The following CACNA2D1 variants were observed in gnomAD, a reference collection of about 807,000 sequenced individuals.
The protein encoded by CACNA2D1 is calcium voltage-gated channel auxiliary subunit alpha2delta 1.
Under a neutral mutation model 171.5 loss-of-function variants are expected in CACNA2D1, and 53 were observed. The observed-to-expected ratio is 0.31, with a 90% CI of 0.25 to 0.39. CACNA2D1 has a LOEUF of 0.39. Among genes scored for constraint, CACNA2D1 ranks in the 10% least tolerant of loss-of-function variants. CACNA2D1 has a pLI of 1.00. For missense variants in CACNA2D1, 903 were observed against 1,299.8 expected, an observed-to-expected ratio of 0.69 and a Z score of 4.69; for synonymous variants, 442 against 443.1, an observed-to-expected ratio of 1.00 and a Z score of 0.03.
chr7:82,361,243 C>T (rs1280092672), intron 1 of CACNA2D1, among the ~76,000 whole-genome samples: 12 of 152,166 alleles, frequency 7.9e-5, no homozygotes. Context: ...CTTTCCTAAC[C>T]TGCTCAATAT....
intron 2 of CACNA2D1, among the ~76,000 whole-genome samples, chr7:82,348,130 C>G (rs1819448839): frequency 6.6e-6 from 1 of 152,120 alleles, no homozygotes; most frequent in African/African-American, 2.4e-5. Flanking sequence ...CTCACCAGAA[C>G]CTGTACTTTC....
At chr7:82,078,015 GA>G (rs200733824) in intron 7 of CACNA2D1, among the ~76,000 whole-genome samples, 5 of 151,030 alleles carry the variant, frequency 3.3e-5, no homozygotes, top group South Asian at 2.1e-4. Flanking sequence ...TACCTGTATG[GA>G]AAAAAAAAGT....
At chr7:82,101,825 T>G (rs1812710459) in intron 6 of CACNA2D1, among the ~76,000 whole-genome samples, 2 of 152,178 alleles carry the variant, frequency 1.3e-5, no homozygotes, top group African/African-American at 4.8e-5. Context: ...TAACCTATGA[T>G]TATATAGTAC....
chr7:82,145,439 C>A, intron 4 of CACNA2D1, among the ~76,000 whole-genome samples: 1 of 135,326 alleles, frequency 7.4e-6, no homozygotes, highest in African/African-American at 2.7e-5. Context: ...ATATAAATTA[C>A]ATGTATAATT....
intron 1 of CACNA2D1, among the ~76,000 whole-genome samples, chr7:82,398,753 T>A (rs1174874251): frequency 7.9e-5 from 12 of 151,818 alleles, no homozygotes; most frequent in Non-Finnish European, 1.5e-5. Context: ...TTTTTTAAAA[T>A]TTTTTGTAGA....
In CACNA2D1 at chr7:82,017,230, TAA is replaced by T. The variant is rs568112999; in HGVS notation, c.1144-2753_1144-2752del. Among the ~76,000 whole-genome samples, 13 of 152,212 alleles carry T rather than the reference TAA, an allele frequency of 8.5e-5. No individual in the cohort carries two copies. In the South Asian group the frequency reaches 1.2e-3, roughly 15 times the overall value. ...TATTCAGTTGAGAAGAAGTTTAATA[TAA>T]GTCATTCAAAACTTAGGATCTATTG... On this transcript the variant is annotated intron_variant, in intron 12 of 38. Coordinates refer to ENST00000356860, the MANE Select transcript of CACNA2D1 (RefSeq NM_000722.4).
intron 3 of CACNA2D1, among the ~76,000 whole-genome samples, chr7:82,238,253 T>C (rs1486352192): frequency 6.6e-6 from 1 of 152,060 alleles, no homozygotes; most frequent in African/African-American, 2.4e-5. Flanking sequence ...AGGGGATTTA[T>C]GCTAACCTTT....
At chr7:81,974,879 A>C (rs1444974847) in intron 24 of CACNA2D1, among the ~76,000 whole-genome samples, 1 of 152,020 alleles carries the variant, frequency 6.6e-6, no homozygotes, top group Non-Finnish European at 1.5e-5. Flanking sequence ...ATCGGGGGCA[A>C]GGGGAGGGAC....
At chr7:81,979,728 G>A (rs868260793) in intron 24 of CACNA2D1, among the ~76,000 whole-genome samples, 8 of 152,084 alleles carry the variant, frequency 5.3e-5, no homozygotes, top group African/African-American at 1.9e-4. Context: ...GTTGTTCTCA[G>A]TAATTCAAAG....
intron 5 of CACNA2D1, among the ~76,000 whole-genome samples, chr7:82,133,638 G>A (rs1271300789): frequency 6.6e-6 from 1 of 152,164 alleles, no homozygotes; most frequent in Admixed American, 6.5e-5. Flanking sequence ...TGATATTTAT[G>A]TGAATACTCA....
chr7:82,113,685 A>C (rs1788702784), intron 6 of CACNA2D1, among the ~76,000 whole-genome samples: 1 of 152,196 alleles, frequency 6.6e-6, no homozygotes, highest in South Asian at 2.1e-4. Context: ...GTGCATTTTC[A>C]TATTCATTAA....
intron 4 of CACNA2D1, among the ~76,000 whole-genome samples, chr7:82,147,057 CACAT>C (rs1435633192): frequency 7.6e-6 from 1 of 132,196 alleles, no homozygotes; most frequent in Non-Finnish European, 1.6e-5. Flanking sequence ...AGTACACACA[CACAT>C]ACCTGCACAC....
chr7:82,332,554 G>GAAAGAAAGAAAGA (rs2062015389), intron 3 of CACNA2D1, among the ~76,000 whole-genome samples: 2 of 143,092 alleles, frequency 1.4e-5, no homozygotes, highest in African/African-American at 5.1e-5. Flanking sequence ...AAGAAAGAAA[G>GAAAGAAAGAAAGA]AAAGAAAGAA....
chr7:82,128,522 GC>G (rs1442971352), intron 5 of CACNA2D1, among the ~76,000 whole-genome samples: 7 of 152,090 alleles, frequency 4.6e-5, no homozygotes, highest in Non-Finnish European at 8.8e-5. Flanking sequence ...CTAATAGAAA[GC>G]TTTCACTCTA....
chr7:82,059,897 C>T (rs1806404138), intron 10 of CACNA2D1, among the ~76,000 whole-genome samples: 1 of 134,974 alleles, frequency 7.4e-6, no homozygotes, highest in Non-Finnish European at 1.6e-5. Context: ...ATCGCAAGGA[C>T]AAAAAACCAA....
chr7:82,394,392 G>A (rs1825554741), intron 1 of CACNA2D1, among the ~76,000 whole-genome samples: 1 of 152,014 alleles, frequency 6.6e-6, no homozygotes, highest in South Asian at 2.1e-4. Context: ...AAAGAAACAA[G>A]GGAGAAAGGA....
chr7:82,425,540 ATTT>A (rs796114518), intron 1 of CACNA2D1, among the ~76,000 whole-genome samples: 1 of 142,190 alleles, frequency 7.0e-6, no homozygotes. Context: ...ATGAGATTCA[ATTT>A]TTTTTTTTTT....
chr7:82,023,240 A>G (rs1471993719), intron 12 of CACNA2D1, among the ~76,000 whole-genome samples: 1 of 151,890 alleles, frequency 6.6e-6, no homozygotes, highest in Non-Finnish European at 1.5e-5. Context: ...AAAGATTATA[A>G]AGCAAATGTA....
At chr7:82,043,101 A>T (rs1254958995) in intron 10 of CACNA2D1, among the ~76,000 whole-genome samples, 3 of 152,228 alleles carry the variant, frequency 2.0e-5, no homozygotes, top group Admixed American at 6.5e-5. Flanking sequence ...AGCCAGTATA[A>T]AATGTTGATC....
Sources: gnomAD v4.1 joint callset for allele counts (sites outside exome capture counted in the v4.1 genomes callset) on GRCh38, gnomAD v4.1.1 for gene constraint, MANE v1.5 for transcripts, NCBI Gene and HGNC (gene_info 2026-07-23, HGNC 2026-07-21) for gene names.